SPATA16: variants seen among roughly 807,000 people sequenced by gnomAD.
SPATA16 encodes the protein spermatogenesis associated 16.
A neutral mutation model predicts 63.3 loss-of-function variants in SPATA16; 36 were observed. The ratio of observed to expected loss-of-function variants is 0.57; its 90% CI spans 0.44 to 0.75. The LOEUF (loss-of-function observed/expected upper bound fraction) is 0.75, where lower values mean the gene tolerates loss of function less well. SPATA16 is among the 30% of genes least tolerant of loss of function. The pLI is 0.00. For synonymous variants in SPATA16, 203 were observed against 216.7 expected (o/e 0.94, Z 0.56); for missense variants, 646 against 679.3 (o/e 0.95, Z 0.54).
chr3:173,036,435 A>G (rs570722059), intron 3 of SPATA16, among the ~76,000 whole-genome samples: 1 of 152,170 alleles, frequency 6.6e-6, no homozygotes, highest in African/African-American at 2.4e-5. Context: ...GCATAATGAA[A>G]TGTGTCAACA....
intron 4 of SPATA16, among the ~76,000 whole-genome samples, chr3:173,005,987 A>T (rs1734936684): frequency 1.3e-5 from 2 of 152,196 alleles, no homozygotes; most frequent in African/African-American, 4.8e-5. Context: ...AGATGACTAT[A>T]AACTTGAAGT....
intron 5 of SPATA16, among the ~76,000 whole-genome samples, chr3:172,961,075 TTCCTTCCTTC>T (rs1560080378): frequency 2.3e-5 from 3 of 129,838 alleles, no homozygotes; most frequent in African/African-American, 9.8e-5. Flanking sequence ...TCTTTCTTCC[TTCCTTCCTTC>T]CTTCCTTCCT....
chr3:172,976,455 T>C (rs1453187945), intron 5 of SPATA16, among the ~76,000 whole-genome samples: 1 of 152,138 alleles, frequency 6.6e-6, no homozygotes, highest in Non-Finnish European at 1.5e-5. Context: ...TCTTGGCAGC[T>C]GATTGACCTT....
At chr3:173,021,231 C>T (rs562632) in intron 3 of SPATA16, among the ~76,000 whole-genome samples, 5 of 152,012 alleles carry the variant, frequency 3.3e-5, no homozygotes, top group East Asian at 1.9e-4. Context: ...TAGAGGAAGA[C>T]GGAACTTTCT....
At chr3:172,940,931 C>T (rs1197227492) in intron 6 of SPATA16, among the ~76,000 whole-genome samples, 4 of 151,764 alleles carry the variant, frequency 2.6e-5, no homozygotes, top group Admixed American at 6.6e-5. Flanking sequence ...TGCAGTGAGC[C>T]GAGATCATGC....
At chr3:173,059,130 T>C (rs995337596) in intron 2 of SPATA16, among the ~76,000 whole-genome samples, 1 of 152,114 alleles carries the variant, frequency 6.6e-6, no homozygotes, top group African/African-American at 2.4e-5. Context: ...TCTTAGCACT[T>C]TGTAGTTTTG....
At position 173,036,609 on chromosome 3, in the gene SPATA16, A is replaced by G. The variant is rs146394663; in HGVS notation, c.758+12340T>C. 9.0e-3 allele frequency among the ~76,000 whole-genome samples: 1,363 copies of G among 152,136 alleles called. 21 individuals are homozygous for G. Among genetic ancestry groups the G allele is most frequent in the South Asian group, 0.012 (58 of 4,816 alleles). Reference sequence around the variant, plus strand: ...GAATCCATATTGCAATTAATCATTAAGAAACTACCACTTGTCAAGTCTTGG... The same window carrying G: ...GAATCCATATTGCAATTAATCATTAGGAAACTACCACTTGTCAAGTCTTGG... On this transcript the variant is annotated intron_variant, in intron 3 of 10. Transcript: ENST00000351008.
chr3:172,924,213 A>T lies in SPATA16; in HGVS notation c.1333T>A (p.Leu445Met), dbSNP rs1302572486. Residue 445 changes from leucine to methionine, a missense_variant, in exon 8 of 11, where the codon TTG becomes ATG. Physicochemically the swap from Leu to Met is conservative, Grantham distance 15. Coordinates refer to ENST00000351008, the MANE Select transcript of SPATA16 (RefSeq NM_031955.6). ...TAAAAGACTCATATACCTACATTCA[A>T]TTGGGTGCTTCTAATAAAATCCAAT... is the stretch of plus-strand genomic sequence containing the variant. ...PILDFIRSTQ[L>M]NGSFPASSGV... 1 of 1,610,582 alleles carries T rather than the reference A, an allele frequency of 6.2e-7. No homozygotes were observed. The highest frequency in any genetic ancestry group is 1.1e-5 in the South Asian group (1 of 91,032).
At chr3:173,088,944 G>A (rs926507488) in intron 2 of SPATA16, among the ~76,000 whole-genome samples, 1 of 152,160 alleles carries the variant, frequency 6.6e-6, no homozygotes, top group Non-Finnish European at 1.5e-5. Flanking sequence ...GGCAGATTTT[G>A]GTGAATTCAG....
chr3:173,081,179 G>A (rs1429051797), intron 2 of SPATA16, among the ~76,000 whole-genome samples: 2 of 152,206 alleles, frequency 1.3e-5, no homozygotes, highest in East Asian at 3.8e-4. Flanking sequence ...GCTAGCAGAT[G>A]CCTGGCAGTG....
intron 1 of SPATA16, among the ~76,000 whole-genome samples, chr3:173,134,543 G>T (rs769966260): frequency 1.6e-4 from 24 of 152,010 alleles, no homozygotes; most frequent in Non-Finnish European, 3.1e-4. Context: ...CGCATGTTTG[G>T]TCTTCCTTTT....
At chr3:173,134,714 T>C (rs1420396679) in intron 1 of SPATA16, among the ~76,000 whole-genome samples, 1 of 152,192 alleles carries the variant, frequency 6.6e-6, no homozygotes, top group Non-Finnish European at 1.5e-5. Context: ...GTCTCAGGTA[T>C]TCTGCTATAG....
intron 2 of SPATA16, among the ~76,000 whole-genome samples, chr3:173,074,779 C>T (rs1298271915): frequency 2.0e-5 from 3 of 151,940 alleles, no homozygotes; most frequent in Non-Finnish European, 4.4e-5. Flanking sequence ...AGGTGGATCA[C>T]CTGAGATCAG....
chr3:172,913,838 T>C (rs1333702650), intron 9 of SPATA16, 94 bp from the exon 10 acceptor site: 2 of 1,085,716 alleles, frequency 1.8e-6, no homozygotes, highest in African/African-American at 3.1e-5. Flanking sequence ...AAATCATTTG[T>C]ACGCTGATGA....
At chr3:173,059,437 T>TTCATTATCTTACTTTTTCTTAC (rs1186157166) in intron 2 of SPATA16, among the ~76,000 whole-genome samples, 1 of 151,882 alleles carries the variant, frequency 6.6e-6, no homozygotes. Flanking sequence ...CTTTTTCTTA[T>TTCATTATCTTACTTTTTCTTAC]TCATTATCTT....
At chr3:173,049,641 T>C (rs1736037455) in intron 2 of SPATA16, among the ~76,000 whole-genome samples, 1 of 152,116 alleles carries the variant, frequency 6.6e-6, no homozygotes, top group African/African-American at 2.4e-5. Context: ...TTCTCTAGTA[T>C]GTTATTGAAA....
chr3:172,908,217 C>T (rs955900368), intron 10 of SPATA16, among the ~76,000 whole-genome samples: 2 of 152,168 alleles, frequency 1.3e-5, no homozygotes, highest in Non-Finnish European at 2.9e-5. Context: ...TATGTTTCCT[C>T]AGGTGTTTTA....
At chr3:173,016,712 T>A (rs1735197649) in intron 4 of SPATA16, among the ~76,000 whole-genome samples, 1 of 152,132 alleles carries the variant, frequency 6.6e-6, no homozygotes, top group Non-Finnish European at 1.5e-5. Context: ...AATAGATTGA[T>A]TGATAAACAT....
intron 3 of SPATA16, among the ~76,000 whole-genome samples, chr3:173,034,772 G>A (rs1430215956): frequency 6.6e-6 from 1 of 152,068 alleles, no homozygotes; most frequent in Non-Finnish European, 1.5e-5. Context: ...ACTTTGATAT[G>A]GGAATTATCT....
Sources: allele counts gnomAD v4.1 joint callset (sites outside exome capture counted in the v4.1 genomes callset), GRCh38; gene constraint gnomAD v4.1.1; transcripts MANE v1.5; gene names NCBI Gene and HGNC (gene_info 2026-07-23, HGNC 2026-07-21).